The following SHF variants were observed in gnomAD, a reference collection of about 807,000 sequenced individuals.
The protein encoded by SHF is Src homology 2 domain containing F.
Under a neutral mutation model 42.4 loss-of-function variants are expected in SHF, and 30 were observed. The ratio of observed to expected loss-of-function variants is 0.71; its 90% CI spans 0.53 to 0.96. The LOEUF (loss-of-function observed/expected upper bound fraction) is 0.96, where lower values mean the gene tolerates loss of function less well. Ranked by LOEUF, SHF falls within the 40% of genes least tolerant of loss-of-function variation. The probability of loss-of-function intolerance (pLI) is 0.00; values close to 1 mark genes in which losing one functional copy is unlikely to be tolerated. For synonymous variants in SHF, 264 were observed against 269.9 expected (o/e 0.98, Z 0.21); for missense variants, 598 against 634.0 (o/e 0.94, Z 0.61).
intron 1 of SHF, among the ~76,000 whole-genome samples, chr15:45,178,994 A>C (rs1321807864): frequency 1.3e-5 from 2 of 152,270 alleles, no homozygotes; most frequent in Non-Finnish European, 2.9e-5. Flanking sequence ...ACTTCAGAGA[A>C]ACAGTTACAA....
chr15:45,194,134 T>C, intron 2 of SHF, among the ~76,000 whole-genome samples: 1 of 150,930 alleles, frequency 6.6e-6, no homozygotes, highest in African/African-American at 2.4e-5. Context: ...GTAGGCAGCA[T>C]TGCCTGACAT....
In SHF at chr15:45,172,247, G is replaced by A; in HGVS notation, c.1060C>T (p.Leu354Phe). The A allele has an allele frequency of 6.2e-7, 1 of 1,613,654 alleles. No homozygotes were observed. Among genetic ancestry groups the A allele is most frequent in the Non-Finnish European group, 8.5e-7 (1 of 1,179,682 alleles). The change falls in exon 5 of 7, where the codon CTC becomes TTC. Residue 354 changes from leucine to phenylalanine, a missense_variant. Leu to Phe is a conservative substitution (Grantham distance 22, BLOSUM62 0). This residue lies in a region of SHF where 439 missense variants were observed against 524.6 expected (regional missense o/e 0.84). Coordinates refer to ENST00000690270, the MANE Select transcript of SHF (RefSeq NM_001394037.1). ...GCTGACTTGGGGTTCCCTGCAGAGA[G>A]TCGGGGAGGTAGCCGCCCCTTCTCC... ...REEKGRLPPR[L>F]SAGNPKSAKP...
At chr15:45,172,415 C>T in intron 4 of SHF, 97 bp from the exon 5 acceptor site, 1 of 1,309,580 alleles carries the variant, frequency 7.6e-7, no homozygotes, top group South Asian at 1.5e-5. Flanking sequence ...TCTTCCAGCC[C>T]CAGAAAGGAT....
chr15:45,171,136 C>T (rs1205687257), intron 6 of SHF: 1 of 153,452 alleles, frequency 6.5e-6, no homozygotes, highest in Non-Finnish European at 1.4e-5. Context: ...GGCAAATGAA[C>T]ATACCACCCC....
chr15:45,192,224 T>A (rs1898725599), upstream of SHF, among the ~76,000 whole-genome samples: 1 of 151,412 alleles, frequency 6.6e-6, no homozygotes, highest in African/African-American at 2.4e-5. Flanking sequence ...TGATTTTTCC[T>A]GAAAGTGTCT....
intron 6 of SHF, chr15:45,171,666 C>T (rs1275820750): frequency 8.4e-6 from 5 of 596,690 alleles, no homozygotes; most frequent in Non-Finnish European, 1.5e-5. Flanking sequence ...TAGAACAGAA[C>T]CCTTCTGAGC....
rs1214484629 is a variant in SHF at position 45,167,337 on chromosome 15, C to G, written c.*610G>C. 6.6e-6 allele frequency: 1 copy of G among 152,158 alleles called. No homozygotes were observed. Among genetic ancestry groups the G allele is most frequent in the African/African-American group, 2.4e-5 (1 of 41,468 alleles). The allele number at this position is 152,158 out of a possible 1,614,324, so 9.4% of individuals were successfully genotyped here. ...CCGGAGGCGCGGGCGCGGCTGTGCC[C>G]GGCAGGATCGGGTTTATTTATTGCC... On this transcript the variant is annotated 3_prime_UTR_variant, in exon 7 of 7. Transcript: ENST00000690270.
At chr15:45,186,140 A>T (rs1898384149) in intron 1 of SHF, among the ~76,000 whole-genome samples, 1 of 152,258 alleles carries the variant, frequency 6.6e-6, no homozygotes, top group African/African-American at 2.4e-5. Context: ...ACACAATAGC[A>T]GGGGACAAGA....
At chr15:45,188,308 G>A (rs1199920879), upstream of SHF, among the ~76,000 whole-genome samples, 1 of 152,182 alleles carries the variant, frequency 6.6e-6, no homozygotes, top group African/African-American at 2.4e-5. Context: ...ACGCAAAGAG[G>A]GGAGCCCCCA....
At chr15:45,200,742 A>C (rs1444433444) in exon 1 of SHF, 1 of 456,134 alleles carries the variant, frequency 2.2e-6, no homozygotes, top group Admixed American at 2.3e-5. Context: ...GCCTCAAGGA[A>C]GTTGTATGGT....
chr15:45,187,867 G>T lies in SHF; in HGVS notation c.85C>A (p.Arg29Ser). ...GCTCCCGCACCCCCGGCGCCCCGGC[G>T]GGACCCCCCCGGGCCGCCCCCAGCG... ...GSAGGGPGGS[R>S]RGAGGAGAGP... The change falls in exon 1 of 7, where the codon CGC becomes AGC. Residue 29 changes from arginine to serine, a missense_variant. Physicochemically the swap from Arg to Ser is moderately radical, Grantham distance 110. Around this residue, in one of 2 missense-constraint regions of SHF, gnomAD observed 159 missense variants for 109.3 expected, o/e 1.45. Transcript: ENST00000690270. The T allele has an allele frequency of 8.7e-7, 1 of 1,146,396 alleles. No homozygotes were observed. The highest frequency in any genetic ancestry group is 4.3e-5 in the South Asian group (1 of 23,040). The allele number at this position is 1,146,396 out of a possible 1,614,324, so 71.0% of individuals were successfully genotyped here.
upstream of SHF, among the ~76,000 whole-genome samples, chr15:45,191,271 C>T (rs2023806186): frequency 6.6e-6 from 1 of 152,190 alleles, no homozygotes; most frequent in Non-Finnish European, 1.5e-5. Context: ...TGGTCTTGAA[C>T]TCCTGGCCTC....
intron 2 of SHF, among the ~76,000 whole-genome samples, chr15:45,193,147 C>T (rs150401182): frequency 8.8e-4 from 134 of 152,350 alleles, no homozygotes; most frequent in Admixed American, 1.5e-3. Context: ...TGCTATTACA[C>T]TGGGGATTGC....
chr15:45,167,756 C>T lies in SHF; in HGVS notation c.*191G>A, dbSNP rs1035349788. On this transcript the variant is annotated 3_prime_UTR_variant, in exon 7 of 7. Coordinates refer to ENST00000690270, the MANE Select transcript of SHF (RefSeq NM_001394037.1). ...TCCAGGGATTCCTCTTTCCCCAGCT[C>T]CAGACAACCCCTTACTCCAAGGCCC... The T allele has an allele frequency of 3.1e-5, 14 of 455,018 alleles. No homozygotes were observed. The highest frequency in any genetic ancestry group is 4.8e-5 in the Non-Finnish European group (13 of 270,880). The allele number at this position is 455,018 out of a possible 1,614,324, so 28.2% of individuals were successfully genotyped here. A position where few individuals can be genotyped will look rare whatever the true frequency, so the allele number is the denominator to read the frequency against.
chr15:45,180,103 C>T (rs910555124), intron 1 of SHF, among the ~76,000 whole-genome samples: 1 of 152,138 alleles, frequency 6.6e-6, no homozygotes, highest in Non-Finnish European at 1.5e-5. Flanking sequence ...GGGATAACCA[C>T]CATCTCAGAT....
intron 6 of SHF, chr15:45,170,642 T>TCC (rs1897428312): frequency 3.2e-6 from 1 of 314,288 alleles, no homozygotes; most frequent in Non-Finnish European, 5.9e-6. Flanking sequence ...CTATTATCTT[T>TCC]TTCTTTTTTT....
In SHF at chr15:45,175,338, TC is replaced by T; in HGVS notation, c.727del (p.Glu243LysfsTer123). The T allele has an allele frequency of 6.2e-7, 1 of 1,602,232 alleles. No individual in the cohort carries two copies. Among genetic ancestry groups the T allele is most frequent in the Non-Finnish European group, 8.5e-7 (1 of 1,174,376 alleles). ...YEPEEDGATA[E>X]GEGAPWPRES... The stretch of plus-strand genomic sequence containing the variant: ...CCGGGGCCAGGGGGCCCCCTCACCT[TC>T]CGCGGTGGCCCCATCCTCCTCTGGC... On this transcript the variant is annotated frameshift_variant, in exon 3 of 7. Coordinates refer to ENST00000690270, the MANE Select transcript of SHF (RefSeq NM_001394037.1). LOFTEE classifies it high-confidence loss of function.
chr15:45,178,715 A>G (rs762610375), intron 1 of SHF, among the ~76,000 whole-genome samples: 1 of 151,888 alleles, frequency 6.6e-6, no homozygotes, highest in Non-Finnish European at 1.5e-5. Context: ...TTGTGTTTTT[A>G]GTAGAGATGG....
rs768028249 is a variant in SHF at position 45,173,638 on chromosome 15, C to T, written c.926G>A (p.Gly309Glu). The change falls in exon 4 of 7, where the codon GGG (glycine) becomes GAG (glutamate). Residue 309 changes from glycine (G) to glutamate (E), a missense_variant. Physicochemically the swap from Gly to Glu is moderately conservative, Grantham distance 98. This residue lies in a region of SHF where 439 missense variants were observed against 524.6 expected (regional missense o/e 0.84). Coordinates refer to ENST00000690270, the MANE Select transcript of SHF (RefSeq NM_001394037.1). ...GGCTGGACCGGAGATGTCCCTGTCC[C>T]CATCAGGCAGGGAGGGGCTGCTGTC... is the stretch of plus-strand genomic sequence containing the variant. ...QLDSSPSLPD[G>E]DRDISGPASP... 5.8e-6 allele frequency: 9 copies of T among 1,551,246 alleles called. No homozygotes were observed. In the South Asian group the frequency reaches 7.1e-5, roughly 12 times the overall value.
Sources: allele counts gnomAD v4.1 joint callset (sites outside exome capture counted in the v4.1 genomes callset), GRCh38; gene constraint gnomAD v4.1.1; regional missense constraint gnomAD v4.1.1; transcripts MANE v1.5; gene names NCBI Gene and HGNC (gene_info 2026-07-23, HGNC 2026-07-21).